IMMP2L: variants seen among roughly 807,000 people sequenced by gnomAD.
IMMP2L encodes the protein inner mitochondrial membrane peptidase subunit 2.
IMMP2L carries 18 observed loss-of-function variants against 19.3 expected under a neutral mutation model. That is an observed-to-expected ratio of 0.93 (90% CI 0.64 to 1.38). The LOEUF (loss-of-function observed/expected upper bound fraction) is 1.38. Among genes scored for constraint, IMMP2L ranks in the 40% most tolerant of loss-of-function variants. The pLI is 0.00. For synonymous variants in IMMP2L, 76 were observed against 73.0 expected, an observed-to-expected ratio of 1.04 and a Z score of -0.21; for missense variants, 233 against 218.2, an observed-to-expected ratio of 1.07 and a Z score of -0.43.
At chr7:111,040,821 A>C (rs1465903220) in intron 3 of IMMP2L, among the ~76,000 whole-genome samples, 1 of 151,250 alleles carries the variant, frequency 6.6e-6, no homozygotes, top group Admixed American at 6.6e-5. Flanking sequence ...GATATTTAAA[A>C]CTGATGCATA....
intron 3 of IMMP2L, among the ~76,000 whole-genome samples, chr7:111,423,348 AC>A (rs760880145): frequency 1.3e-5 from 2 of 151,688 alleles, no homozygotes; most frequent in African/African-American, 2.4e-5. Flanking sequence ...CTGGTCCTGG[AC>A]TTTTTTTGTT....
At position 110,874,057 on chromosome 7, in the gene IMMP2L, ATT is replaced by A. The variant is rs535140368; in HGVS notation, c.408+12534_408+12535del. 8.5e-5 allele frequency among the ~76,000 whole-genome samples: 13 copies of A among 152,116 alleles called. No homozygotes were observed. The South Asian group carries it at 2.7e-3, about 32-fold the overall frequency. ...ACCAAGTGGAAAGAATATATAGGGT[ATT>A]TTTTTGTGCATATACAAATGATTTT... On this transcript the variant is annotated intron_variant, in intron 5 of 5. Transcript: ENST00000405709.
chr7:110,728,246 C>A lies in IMMP2L; in HGVS notation c.409-64525G>T, dbSNP rs117869132. Among the ~76,000 whole-genome samples, 2,045 of 152,216 alleles carry A rather than the reference C, an allele frequency of 0.013. 23 individuals are homozygous for A. The highest frequency in any genetic ancestry group is 0.024 in the Middle Eastern group (7 of 294). On this transcript the variant is annotated intron_variant, in intron 5 of 5. Transcript: ENST00000405709. This position sits in a 1 kb window ranked among gnomAD's most constrained non-coding sequence, Gnocchi z 4.6. ...GGGAGTGGTGGTTCACGCCTGTAAT[C>A]CCAGCAGGTTGGGAAGCCAAGGCAG...
At chr7:111,362,125 C>T (rs777342316) in intron 3 of IMMP2L, among the ~76,000 whole-genome samples, 1 of 151,906 alleles carries the variant, frequency 6.6e-6, no homozygotes, top group Non-Finnish European at 1.5e-5. Context: ...ATCTGATATA[C>T]ACCAGCAACC....
intron 5 of IMMP2L, among the ~76,000 whole-genome samples, chr7:110,694,153 TTTTA>T (rs1216132691): frequency 1.3e-5 from 2 of 152,176 alleles, no homozygotes; most frequent in Non-Finnish European, 2.9e-5. Flanking sequence ...GATTAAGTCT[TTTTA>T]TTTCTTTTTC....
intron 4 of IMMP2L, among the ~76,000 whole-genome samples, chr7:110,913,745 T>C (rs999718822): frequency 1.3e-5 from 2 of 152,132 alleles, no homozygotes; most frequent in East Asian, 3.9e-4. Context: ...GCAGCTTCTT[T>C]TACACTGTTA....
At chr7:111,081,823 G>A (rs750427390) in intron 3 of IMMP2L, among the ~76,000 whole-genome samples, 1 of 152,106 alleles carries the variant, frequency 6.6e-6, no homozygotes, top group Non-Finnish European at 1.5e-5. Flanking sequence ...TTAAAATAAC[G>A]TCATTGACCA....
At chr7:110,951,758 T>G (rs753651995) in intron 4 of IMMP2L, among the ~76,000 whole-genome samples, 2 of 152,130 alleles carry the variant, frequency 1.3e-5, no homozygotes, top group South Asian at 4.1e-4. Flanking sequence ...TACTATATCA[T>G]GCTATTCTTC....
chr7:110,808,211 T>A (rs1801762786), intron 5 of IMMP2L, among the ~76,000 whole-genome samples: 1 of 152,036 alleles, frequency 6.6e-6, no homozygotes, highest in Non-Finnish European at 1.5e-5. Flanking sequence ...AAAATTCAAC[T>A]TAAATGCATT....
chr7:111,435,654 C>A (rs1233403043), intron 3 of IMMP2L, among the ~76,000 whole-genome samples: 2 of 151,866 alleles, frequency 1.3e-5, no homozygotes, highest in African/African-American at 2.4e-5. Context: ...AAGAAACCTG[C>A]ACTTGTCCCC....
intron 2 of IMMP2L, among the ~76,000 whole-genome samples, chr7:111,491,789 T>C (rs1458190759): frequency 2.0e-5 from 3 of 152,170 alleles, no homozygotes; most frequent in Non-Finnish European, 2.9e-5. Flanking sequence ...TTATTTGTAT[T>C]CTTTTTCCTA....
chr7:111,420,741 CT>C (rs1835428205), intron 3 of IMMP2L, among the ~76,000 whole-genome samples: 1 of 151,516 alleles, frequency 6.6e-6, no homozygotes, highest in Non-Finnish European at 1.5e-5. Flanking sequence ...TGAAATCATC[CT>C]TTTTTATGAC....
At chr7:110,705,943 T>C (rs576063172) in intron 5 of IMMP2L, among the ~76,000 whole-genome samples, 1 of 152,270 alleles carries the variant, frequency 6.6e-6, no homozygotes, top group African/African-American at 2.4e-5. Flanking sequence ...ATGTACTACA[T>C]TTTCTTTATC....
At chr7:111,034,527 T>A (rs979444495) in intron 3 of IMMP2L, among the ~76,000 whole-genome samples, 5 of 152,126 alleles carry the variant, frequency 3.3e-5, no homozygotes, top group African/African-American at 1.2e-4. Flanking sequence ...TCTATATTTA[T>A]CTATTCATCC....
At chr7:111,235,677 A>T (rs1277853835) in intron 3 of IMMP2L, among the ~76,000 whole-genome samples, 4 of 151,722 alleles carry the variant, frequency 2.6e-5, no homozygotes, top group Non-Finnish European at 4.4e-5. Context: ...ATGCCTCTGT[A>T]TCATCTTCTT....
chr7:110,858,833 T>G (rs1807081615), intron 5 of IMMP2L, among the ~76,000 whole-genome samples: 1 of 151,540 alleles, frequency 6.6e-6, no homozygotes, highest in South Asian at 2.1e-4. Flanking sequence ...AATTCCCACC[T>G]GTGAGTGAGA....
chr7:111,384,641 T>C (rs1205593157), intron 3 of IMMP2L, among the ~76,000 whole-genome samples: 1 of 152,080 alleles, frequency 6.6e-6, no homozygotes, highest in Non-Finnish European at 1.5e-5. Context: ...CAATCACTGC[T>C]CCATTTGGCC....
intron 3 of IMMP2L, among the ~76,000 whole-genome samples, chr7:110,993,368 T>A (rs191919137): frequency 7.1e-4 from 108 of 152,292 alleles, no homozygotes; most frequent in African/African-American, 2.5e-3. Context: ...GATTGTCCAA[T>A]GAACAGATCA....
intron 5 of IMMP2L, among the ~76,000 whole-genome samples, chr7:110,785,134 A>G (rs2131106176): frequency 6.6e-6 from 1 of 152,060 alleles, no homozygotes; most frequent in Admixed American, 6.6e-5. Context: ...AGGTGGTAGA[A>G]GTCAGAATGC....
Sources: allele counts gnomAD v4.1 joint callset (sites outside exome capture counted in the v4.1 genomes callset), GRCh38; gene constraint gnomAD v4.1.1; non-coding constraint Gnocchi (gnomAD v3.1); transcripts MANE v1.5; gene names NCBI Gene and HGNC (gene_info 2026-07-23, HGNC 2026-07-21).